Variants in BCL2L11 observed in about 807,000 individuals in gnomAD.
The protein encoded by BCL2L11 is BCL2 like 11, also known as bcl-2-like protein 11.
Under a neutral mutation model 20.6 loss-of-function variants are expected in BCL2L11, and 15 were observed. That is an observed-to-expected ratio of 0.73 (90% CI 0.49 to 1.12). The LOEUF (loss-of-function observed/expected upper bound fraction) is 1.12, where lower values mean the gene tolerates loss of function less well. BCL2L11 is among the 50% of genes most tolerant of loss of function. The probability of loss-of-function intolerance (pLI) is 0.00; values close to 1 mark genes in which losing one functional copy is unlikely to be tolerated. For missense variants in BCL2L11, 292 were observed against 260.9 expected (o/e 1.12, Z -0.82); for synonymous variants, 108 against 92.8 (o/e 1.16, Z -0.94).
At chr2:111,153,000 TAG>T (rs2077421621) in intron 3 of BCL2L11, among the ~76,000 whole-genome samples, 1 of 152,168 alleles carries the variant, frequency 6.6e-6, no homozygotes, top group African/African-American at 2.4e-5. Flanking sequence ...GCTGGGATAT[TAG>T]GGGGAAGGAG....
intron 3 of BCL2L11, among the ~76,000 whole-genome samples, chr2:111,162,317 C>A (rs1174819229): frequency 6.6e-6 from 1 of 152,240 alleles, no homozygotes; most frequent in Non-Finnish European, 1.5e-5. Context: ...CATCCCCGCA[C>A]ACTTGCAGAC....
intron 3 of BCL2L11, chr2:111,151,743 T>C: frequency 1.7e-6 from 2 of 1,160,032 alleles, no homozygotes; most frequent in Admixed American, 4.0e-5. Context: ...TTGAGGAGAG[T>C]GCTGTAGTAA....
chr2:111,151,628 T>C (rs958437606), intron 3 of BCL2L11, among the ~76,000 whole-genome samples: 1 of 152,212 alleles, frequency 6.6e-6, no homozygotes, highest in African/African-American at 2.4e-5. Context: ...TTTAGACAAA[T>C]AGACATTTTC....
At position 111,150,137 on chromosome 2, in the gene BCL2L11, A is replaced by C; in HGVS notation, c.488A>C (p.Tyr163Ser). ...RRIGDEFNAY[Y>S]ARRVFLNNYQ... ...ATTGGAGACGAGTTTAACGCTTACTATGCAAGGAGGGTAATGATGTTTTCT... is the reference window on the plus strand; with the variant it reads ...ATTGGAGACGAGTTTAACGCTTACTCTGCAAGGAGGGTAATGATGTTTTCT... The change falls in exon 3 of 4, where the codon TAT becomes TCT. Residue 163 changes from tyrosine (Y) to serine (S), a missense_variant. Tyr to Ser is a moderately radical substitution (Grantham distance 144). Transcript: ENST00000393256. The C allele has an allele frequency of 1.2e-6, 2 of 1,613,748 alleles. No individual in the cohort carries two copies. The highest frequency in any genetic ancestry group is 1.3e-5 in the African/African-American group (1 of 75,042).
chr2:111,137,989 CTTTTTTCT>C (rs760259902), intron 2 of BCL2L11, among the ~76,000 whole-genome samples: 6 of 148,476 alleles, frequency 4.0e-5, no homozygotes, highest in Non-Finnish European at 7.4e-5. Context: ...GCTTTTCTCC[CTTTTTTCT>C]TTCTTTCTTT....
intron 1 of BCL2L11, chr2:111,122,625 C>T: frequency 1.0e-6 from 1 of 984,176 alleles, no homozygotes; most frequent in Non-Finnish European, 1.2e-6. Flanking sequence ...GGGCGCAGAG[C>T]GCGAGGGGAG....
At chr2:111,128,895 A>T (rs2150290386) in intron 2 of BCL2L11, 1 of 1,308,156 alleles carries the variant, frequency 7.6e-7, no homozygotes, top group South Asian at 1.6e-5. Flanking sequence ...AGAAAAATGC[A>T]CAATTAGATT....
Position 111,120,939 on chromosome 2 carries a change from C to T in BCL2L11, c.-263C>T, listed in dbSNP as rs1254980648. On this transcript the variant is annotated 5_prime_UTR_variant, in exon 1 of 4. Coordinates refer to ENST00000393256, the MANE Select transcript of BCL2L11 (RefSeq NM_138621.5). ...ACTTCGCTCCGCGCAGCCGCCTGGT[C>T]TGCAGTTTGTTGGAGCTCTGCGTCC... 5.4e-6 allele frequency: 2 copies of T among 367,912 alleles called. No individual in the cohort carries two copies. Among genetic ancestry groups the T allele is most frequent in the Admixed American group, 5.0e-5 (1 of 20,082 alleles). 22.8% of individuals were successfully genotyped at this position (367,912 alleles called of 1,614,324 possible).
intron 2 of BCL2L11, among the ~76,000 whole-genome samples, chr2:111,128,426 G>A (rs1398395387): frequency 6.6e-6 from 1 of 151,490 alleles, no homozygotes; most frequent in Non-Finnish European, 1.5e-5. Context: ...ATCTTTTGGG[G>A]GATTCTGCTT....
chr2:111,161,614 C>T, intron 3 of BCL2L11: 1 of 1,481,504 alleles, frequency 6.7e-7, no homozygotes, highest in Non-Finnish European at 9.0e-7. Flanking sequence ...ATGACAGCTC[C>T]TGGCTCAGTC....
At chr2:111,122,664 G>A (rs1480744059) in intron 1 of BCL2L11, 2 of 983,616 alleles carry the variant, frequency 2.0e-6, no homozygotes, top group African/African-American at 3.5e-5. Flanking sequence ...GATGTTCCCG[G>A]CGGCTGCGGC....
chr2:111,125,279 A>C (rs1436319892), intron 2 of BCL2L11, among the ~76,000 whole-genome samples: 1 of 152,250 alleles, frequency 6.6e-6, no homozygotes, highest in Non-Finnish European at 1.5e-5. Flanking sequence ...CCTTGAACCT[A>C]CAGCATGTGA....
In BCL2L11 at chr2:111,164,995, C is replaced by G. The variant is rs954237828; in HGVS notation, c.*764C>G. The G allele has an allele frequency of 1.4e-4, 21 of 152,230 alleles. No individual in the cohort carries two copies. Among genetic ancestry groups the G allele is most frequent in the African/African-American group, 5.1e-4 (21 of 41,458 alleles). The allele number at this position is 152,230 out of a possible 1,614,324, so 9.4% of individuals were successfully genotyped here. A position where few individuals can be genotyped will look rare whatever the true frequency, so the allele number is the denominator to read the frequency against. ...TTGTGATGCAACTCCAGTCTGGACT[C>G]AGATGCATAGATTTGGTCCAGTGTA... On this transcript the variant is annotated 3_prime_UTR_variant, in exon 4 of 4. Coordinates refer to ENST00000393256, the MANE Select transcript of BCL2L11 (RefSeq NM_138621.5).
chr2:111,126,787 C>A lies in BCL2L11; in HGVS notation c.394+2648C>A, dbSNP rs538928148. On this transcript the variant is annotated intron_variant, in intron 2 of 3. Coordinates refer to ENST00000393256, the MANE Select transcript of BCL2L11 (RefSeq NM_138621.5). ...CAAAATACATTTTCCACAAAGAAGT[C>A]ATTATGATTGGTTTGAACTAGTGGA... 1.3e-5 allele frequency among the ~76,000 whole-genome samples: 2 copies of A among 152,252 alleles called. 1 individual carries two copies. Among genetic ancestry groups the A allele is most frequent in the East Asian group, 3.9e-4 (2 of 5,136 alleles).
chr2:111,149,963 C>A, intron 2 of BCL2L11, 81 bp from the exon 3 acceptor site: 2 of 1,222,028 alleles, frequency 1.6e-6, no homozygotes, highest in Non-Finnish European at 2.3e-6. Context: ...GATGGGCTTG[C>A]CTCTAGAGAC....
At chr2:111,122,839 C>T (rs1404630948) in intron 1 of BCL2L11, 2 of 985,096 alleles carry the variant, frequency 2.0e-6, no homozygotes, top group African/African-American at 1.7e-5. Context: ...GGTCAGGGGG[C>T]GCCCGGTCGG....
Position 111,123,291 on chromosome 2 carries a change from G to A in BCL2L11, c.-13-442G>A, listed in dbSNP as rs1330158653. 4 of 985,388 alleles carry A rather than the reference G, an allele frequency of 4.1e-6. No homozygotes were observed. In the African/African-American group the frequency reaches 7.0e-5, roughly 17 times the overall value. The allele number at this position is 985,388 out of a possible 1,614,324, so 61.0% of individuals were successfully genotyped here. ...CCCTCAGCATTTTCGGCAAACAATG[G>A]GGCCGGAGCAGGGAACGCGGCCAGC... On this transcript the variant is annotated intron_variant, in intron 1 of 3. Transcript: ENST00000393256.
intron 3 of BCL2L11, among the ~76,000 whole-genome samples, chr2:111,157,319 CG>C (rs1401441782): frequency 3.9e-5 from 6 of 152,280 alleles, no homozygotes; most frequent in Admixed American, 2.6e-4. Flanking sequence ...CTGCTGCAGA[CG>C]TTCAAAAATA....
At chr2:111,128,747 C>T (rs2073239017) in intron 2 of BCL2L11, 2 of 1,547,738 alleles carry the variant, frequency 1.3e-6, no homozygotes, top group African/African-American at 1.4e-5. Context: ...AAGGATTTCT[C>T]ATGATACCTT....
Sources: gnomAD v4.1 joint callset for allele counts (sites outside exome capture counted in the v4.1 genomes callset) on GRCh38, gnomAD v4.1.1 for gene constraint, MANE v1.5 for transcripts, NCBI Gene and HGNC (gene_info 2026-07-23, HGNC 2026-07-21) for gene names.